The following AFF2 variants were observed in gnomAD, a reference collection of about 807,000 sequenced individuals.
AFF2 encodes the protein AF4/FMR2 family member 2.
AFF2 carries 14 observed loss-of-function variants against 76.9 expected under a neutral mutation model. The observed-to-expected ratio is 0.18, with a 90% confidence interval of 0.12 to 0.28. The LOEUF is 0.28. Ranked by LOEUF, AFF2 falls within the 10% of genes least tolerant of loss-of-function variation. The pLI is 1.00. For synonymous variants in AFF2, 398 were observed against 366.7 expected, an observed-to-expected ratio of 1.09 and a Z score of -0.98; for missense variants, 868 against 1,001.1, an observed-to-expected ratio of 0.87 and a Z score of 1.79.
intron 1 of AFF2, among the ~76,000 whole-genome samples, chrX:148,638,500 G>A (rs1216068094): frequency 4.5e-5 from 5 of 111,361 alleles, no homozygotes; most frequent in African/African-American, 1.6e-4. Context: ...TGACACTTGG[G>A]GATTACAATT....
chrX:148,800,799 G>A (rs1413466592), intron 3 of AFF2, among the ~76,000 whole-genome samples: 3 of 111,789 alleles, frequency 2.7e-5, no homozygotes, highest in Admixed American at 9.5e-5. Context: ...AAAGATAATC[G>A]TATTTTAAAA....
intron 1 of AFF2, among the ~76,000 whole-genome samples, chrX:148,549,597 T>C (rs1328316794): frequency 4.5e-5 from 5 of 111,736 alleles, no homozygotes; most frequent in Non-Finnish European, 9.4e-5. Context: ...CCTCTCTCCG[T>C]TTTAGAGCCT....
chrX:148,903,729 C>T (rs963413241), intron 8 of AFF2, among the ~76,000 whole-genome samples: 10 of 111,688 alleles, frequency 9.0e-5, no homozygotes, highest in African/African-American at 2.6e-4. Context: ...AAGGGACACT[C>T]GACTTTCTAT....
At chrX:148,771,634 T>G (rs1224238211) in intron 3 of AFF2, among the ~76,000 whole-genome samples, 1 of 112,258 alleles carries the variant, frequency 8.9e-6, no homozygotes, top group African/African-American at 3.2e-5. Flanking sequence ...GTAAATATGT[T>G]TTCTCCTCTC....
Position 148,749,945 on chromosome X carries a change from C to A in AFF2, c.1042-59931C>A, listed in dbSNP as rs782382469. Among the ~76,000 whole-genome samples the A allele has an allele frequency of 5.9e-4, 51 of 86,467 alleles. No individual in the cohort carries two copies. The East Asian group carries it at 0.015, about 25-fold the overall frequency. 75.1% of individuals were successfully genotyped at this position (86,467 alleles called of 115,157 possible). A position where few individuals can be genotyped will look rare whatever the true frequency, so the allele number is the denominator to read the frequency against. On this transcript the variant is annotated intron_variant, in intron 3 of 20. Transcript: ENST00000370460. ...TCCACCATGATGCTGAGGGCCTGCA[C>A]CCTTTATTTATTTATTTATTTATTT...
intron 3 of AFF2, among the ~76,000 whole-genome samples, chrX:148,683,895 C>G (rs1346973854): frequency 9.0e-6 from 1 of 111,510 alleles, no homozygotes; most frequent in Non-Finnish European, 1.9e-5. Context: ...GCTTGGGGAA[C>G]TATTTAGAGC....
chrX:148,987,455 C>T lies in AFF2; in HGVS notation c.3712C>T (p.Arg1238Cys), dbSNP rs1263514787. The T allele has an allele frequency of 5.8e-6, 7 of 1,210,921 alleles. No individual in the cohort carries two copies. Among genetic ancestry groups the T allele is most frequent in the Non-Finnish European group, 7.8e-6 (7 of 894,676 alleles). The change falls in exon 20 of 21, where the codon CGC (arginine) becomes TGC (cysteine). Residue 1238 changes from arginine (R) to cysteine (C), a missense_variant. By Grantham distance (180) the Arg-to-Cys change is radical. Coordinates refer to ENST00000370460, the MANE Select transcript of AFF2 (RefSeq NM_002025.4). ...CAATGGCCCAGTCACCATTCCCCAG[C>T]GCATTCACCACATGGCTGCCAGCCA... ...CNNGPVTIPQRIHHMAASHVN... is the reference protein window; with the variant it reads ...CNNGPVTIPQCIHHMAASHVN...
chrX:148,890,556 T>C (rs1006950743), intron 8 of AFF2, among the ~76,000 whole-genome samples: 3 of 112,168 alleles, frequency 2.7e-5, no homozygotes, highest in Non-Finnish European at 5.6e-5. Context: ...AAGGCAGCCA[T>C]CAGATATGAA....
At chrX:148,766,346 C>T (rs1336240113) in intron 3 of AFF2, among the ~76,000 whole-genome samples, 1 of 110,395 alleles carries the variant, frequency 9.1e-6, no homozygotes, top group African/African-American at 3.3e-5. Flanking sequence ...TCCTATTTCT[C>T]CACATCGTCT....
intron 1 of AFF2, among the ~76,000 whole-genome samples, chrX:148,599,857 G>A (rs1411112465): frequency 9.0e-6 from 1 of 111,684 alleles, no homozygotes; most frequent in African/African-American, 3.3e-5. Context: ...AACAATTCAT[G>A]CAAAAATAAG....
intron 1 of AFF2, among the ~76,000 whole-genome samples, chrX:148,648,048 A>G (rs921405866): frequency 3.6e-5 from 4 of 112,080 alleles, no homozygotes; most frequent in Non-Finnish European, 5.6e-5. Context: ...ATAAGGTTCA[A>G]GTGTCTGAGA....
intron 9 of AFF2, among the ~76,000 whole-genome samples, chrX:148,922,206 A>G (rs782502980): frequency 8.9e-6 from 1 of 111,992 alleles, no homozygotes; most frequent in East Asian, 2.8e-4. Context: ...CTCCCCTGGT[A>G]TATTTCTTTT....
At chrX:148,890,632 T>G (rs527847411) in intron 8 of AFF2, among the ~76,000 whole-genome samples, 1 of 112,368 alleles carries the variant, frequency 8.9e-6, no homozygotes. Context: ...AAAGGCTAGG[T>G]TGCCAATGAT....
intron 3 of AFF2, among the ~76,000 whole-genome samples, chrX:148,675,273 G>C (rs953173093): frequency 2.7e-5 from 3 of 110,342 alleles, no homozygotes; most frequent in African/African-American, 1.0e-4. Flanking sequence ...GAAACACATG[G>C]GTTGATGGAG....
chrX:148,712,280 C>T (rs782326911), intron 3 of AFF2, among the ~76,000 whole-genome samples: 1 of 111,460 alleles, frequency 9.0e-6, no homozygotes, highest in Admixed American at 9.6e-5. Context: ...GGGAATGTTG[C>T]CGTATGCCAA....
intron 3 of AFF2, among the ~76,000 whole-genome samples, chrX:148,730,104 A>G (rs1557264559): frequency 5.3e-5 from 6 of 112,238 alleles, no homozygotes; most frequent in Non-Finnish European, 5.6e-5. Flanking sequence ...AAAACACTTG[A>G]AGTGATAAAA....
At chrX:148,987,601 G>A in intron 20 of AFF2, 44 bp downstream of exon 20, 1 of 1,093,893 alleles carries the variant, frequency 9.1e-7, no homozygotes, top group Non-Finnish European at 1.2e-6. Flanking sequence ...GACCATGATG[G>A]AGTTAACTTC....
At chrX:148,979,348 C>A (rs782449382) in intron 18 of AFF2, among the ~76,000 whole-genome samples, 1 of 112,168 alleles carries the variant, frequency 8.9e-6, no homozygotes, top group Non-Finnish European at 1.9e-5. Flanking sequence ...GCATGTTTCC[C>A]AGCTATTATG....
intron 1 of AFF2, among the ~76,000 whole-genome samples, chrX:148,512,329 A>C (rs1451494058): frequency 1.8e-5 from 2 of 112,232 alleles, no homozygotes; most frequent in Non-Finnish European, 3.8e-5. Context: ...AAGAATGATG[A>C]AGACTGTTTT....
Sources: allele counts gnomAD v4.1 joint callset (sites outside exome capture counted in the v4.1 genomes callset), GRCh38; gene constraint gnomAD v4.1.1; transcripts MANE v1.5; gene names NCBI Gene and HGNC (gene_info 2026-07-23, HGNC 2026-07-21).